Variants in YBEY observed in about 807,000 individuals in gnomAD.
The protein encoded by YBEY is ybeY metalloendoribonuclease.
YBEY carries 15 observed loss-of-function variants against 13.5 expected under a neutral mutation model. The observed-to-expected ratio is 1.11, with a 90% confidence interval of 0.75 to 1.72. The LOEUF is 1.72. YBEY is among the 40% of genes most tolerant of loss of function. YBEY has a pLI of 0.00. For missense variants in YBEY, 244 were observed against 208.4 expected (o/e 1.17, Z -1.05); for synonymous variants, 101 against 83.1 (o/e 1.21, Z -1.17).
the YBEY span, among the ~76,000 whole-genome samples, chr21:46,312,464 G>A: frequency 1.7e-3 from 265 of 152,046 alleles, 2 homozygotes; most frequent in Middle Eastern, 0.01. Flanking sequence ...GATTACAGGC[G>A]CCTGCCACCA....
downstream of YBEY, among the ~76,000 whole-genome samples, chr21:46,298,446 T>TTTTTTTTTTTTTTTTTTTTTTG (rs1375821400): frequency 7.2e-6 from 1 of 139,732 alleles, no homozygotes; most frequent in African/African-American, 2.6e-5. Flanking sequence ...TTTTTTTTTT[T>TTTTTTTTTTTTTTTTTTTTTTG]GAGACGGAGT....
intron 2 of YBEY, 40 bp from the exon 3 acceptor site, chr21:46,291,294 C>T (rs769510824): frequency 2.1e-5 from 34 of 1,610,848 alleles, no homozygotes; most frequent in Non-Finnish European, 2.5e-5. Context: ...GGTTGGGTTA[C>T]GTTTCCTGTT....
In YBEY at chr21:46,291,469, G is replaced by A. The variant is rs200576225; in HGVS notation, c.339+7G>A. ...TTACAATGACGTCCTGACTGTAAGCGGGGATGCTGAAATCATATAACCTGG... is the reference window on the plus strand; with the variant it reads ...TTACAATGACGTCCTGACTGTAAGCAGGGATGCTGAAATCATATAACCTGG... On this transcript the variant is annotated splice_region_variant and intron_variant, in intron 3 of 4. Coordinates refer to ENST00000397701, the MANE Select transcript of YBEY (RefSeq NM_001314025.2). 14 of 1,613,324 alleles carry A rather than the reference G, an allele frequency of 8.7e-6. No individual in the cohort carries two copies. In the East Asian group the frequency reaches 1.1e-4, roughly 13 times the overall value.
intron 2 of YBEY, among the ~76,000 whole-genome samples, chr21:46,290,513 A>G (rs1254432775): frequency 2.0e-5 from 3 of 151,746 alleles, no homozygotes; most frequent in Non-Finnish European, 2.9e-5. Context: ...TATTCTGACA[A>G]TTTTCACAAT....
downstream of YBEY, among the ~76,000 whole-genome samples, chr21:46,298,759 C>T (rs1323758196): frequency 6.6e-6 from 1 of 150,902 alleles, no homozygotes; most frequent in Admixed American, 6.6e-5. Flanking sequence ...GGGTCTGGCT[C>T]TGTTGCCCAG....
chr21:46,301,267 G>C (rs2082097802), downstream of YBEY: 1 of 261,328 alleles, frequency 3.8e-6, no homozygotes, highest in African/African-American at 2.3e-5. Context: ...TCAGCCCCCA[G>C]AGCTGCTGAG....
At chr21:46,313,052 G>C in the YBEY span, 1 of 985,412 alleles carries the variant, frequency 1.0e-6, no homozygotes, top group Non-Finnish European at 1.2e-6. Context: ...TTCACAGAAA[G>C]GACGGCAGAG....
chr21:46,294,880 C>T (rs1243798210), intron 3 of YBEY, among the ~76,000 whole-genome samples: 1 of 152,230 alleles, frequency 6.6e-6, no homozygotes. Flanking sequence ...CCAAGTGCAT[C>T]TGTGTGGCTT....
the YBEY span, among the ~76,000 whole-genome samples, chr21:46,310,043 T>C: frequency 7.9e-5 from 12 of 152,042 alleles, no homozygotes; most frequent in Non-Finnish European, 7.4e-5. Flanking sequence ...TTCAAACTAC[T>C]ACATAGTGAC....
the YBEY span, among the ~76,000 whole-genome samples, chr21:46,303,739 ATATATATTTTTTTTTTTT>A: frequency 3.9e-4 from 11 of 28,206 alleles, no homozygotes; most frequent in East Asian, 1.2e-3. Context: ...ATATATATAT[ATATATATTTTTTTTTTTT>A]TTTTTTTTTT....
chr21:46,311,970 C>CCATCCACCCAT, the YBEY span, among the ~76,000 whole-genome samples: 2 of 82,788 alleles, frequency 2.4e-5, no homozygotes, highest in Non-Finnish European at 4.9e-5. Context: ...CACCCACCCA[C>CCATCCACCCAT]CCACCCATCC....
chr21:46,299,215 G>A (rs1267852065), downstream of YBEY, among the ~76,000 whole-genome samples: 3 of 151,944 alleles, frequency 2.0e-5, no homozygotes, highest in Admixed American at 6.6e-5. Flanking sequence ...TGATTGATCC[G>A]CCTAGGCCTC....
chr21:46,304,758 AG>A, the YBEY span, among the ~76,000 whole-genome samples: 1 of 152,162 alleles, frequency 6.6e-6, no homozygotes, highest in Non-Finnish European at 1.5e-5. Flanking sequence ...GTTCCATTAG[AG>A]GGCAAAAAGG....
downstream of YBEY, chr21:46,302,391 C>T (rs1247298730): frequency 1.8e-6 from 2 of 1,123,400 alleles, no homozygotes; most frequent in African/African-American, 3.1e-5. Flanking sequence ...CCAGGAATGC[C>T]CTTTCAGAGC....
the YBEY span, chr21:46,313,141 T>C: frequency 1.2e-6 from 1 of 823,344 alleles, no homozygotes; most frequent in Non-Finnish European, 1.5e-6. Flanking sequence ...GCTCTTGAGT[T>C]GGCCATTGCA....
At chr21:46,295,662 T>C (rs2081927844) in intron 3 of YBEY, among the ~76,000 whole-genome samples, 2 of 152,150 alleles carry the variant, frequency 1.3e-5, no homozygotes, top group Non-Finnish European at 2.9e-5. Flanking sequence ...CTCCCTGTGC[T>C]GCCTGTGCCC....
At chr21:46,301,476 G>GT (rs72562362), downstream of YBEY, 6 of 832,404 alleles carry the variant, frequency 7.2e-6, no homozygotes, top group South Asian at 3.7e-4. Flanking sequence ...CCACAGCTGT[G>GT]GACACAGGTG....
downstream of YBEY, among the ~76,000 whole-genome samples, chr21:46,299,911 C>A (rs1032119609): frequency 2.0e-5 from 3 of 152,106 alleles, no homozygotes; most frequent in African/African-American, 7.2e-5. Context: ...CAAGGGGGAC[C>A]AAGGGGGACT....
At chr21:46,293,395 C>T (rs2081821412) in intron 3 of YBEY, among the ~76,000 whole-genome samples, 2 of 30,396 alleles carry the variant, frequency 6.6e-5, no homozygotes, top group Non-Finnish European at 1.5e-4. Flanking sequence ...GATTAAATTC[C>T]TCCCGCGGTT....
Sources: allele counts gnomAD v4.1 joint callset (sites outside exome capture counted in the v4.1 genomes callset), GRCh38; gene constraint gnomAD v4.1.1; transcripts MANE v1.5; gene names NCBI Gene and HGNC (gene_info 2026-07-23, HGNC 2026-07-21).